DZIP1: variants seen among roughly 807,000 people sequenced by gnomAD.
The protein encoded by DZIP1 is cilium assembly protein DZIP1.
In DZIP1, 97 loss-of-function variants were observed where a neutral mutation model predicts 107.6. That is an observed-to-expected ratio of 0.90 (90% CI 0.77 to 1.07). The LOEUF (loss-of-function observed/expected upper bound fraction) is 1.07, where lower values mean the gene tolerates loss of function less well. DZIP1 is among the 50% of genes least tolerant of loss of function. The pLI is 0.00. For synonymous variants in DZIP1, 390 were observed against 386.4 expected, an observed-to-expected ratio of 1.01 and a Z score of -0.11; for missense variants, 1,035 against 1,063.6, an observed-to-expected ratio of 0.97 and a Z score of 0.37.
chr13:95,638,522 C>A (rs759605554), intron 5 of DZIP1, among the ~76,000 whole-genome samples: 17 of 152,216 alleles, frequency 1.1e-4, no homozygotes, highest in African/African-American at 3.9e-4. Context: ...TAAAATCCCC[C>A]ATATATGGGT....
rs749642950 is a variant in DZIP1 at position 95,582,235 on chromosome 13, T to C, written c.2603A>G (p.Ter868=). ...VTDWSDTSDV[*] ...GGAATAATCTTCTGACATGTGGAAT[T>C]AGACATCTGAAGTGTCGCTCCAATC... The change falls in exon 23 of 23, where the codon TAA becomes TGA. Residue 868 remains the stop codon, a stop_retained_variant. Coordinates refer to ENST00000376829, the MANE Select transcript of DZIP1 (RefSeq NM_198968.4). The C allele has an allele frequency of 2.5e-6, 4 of 1,613,834 alleles. No individual in the cohort carries two copies. The highest frequency in any genetic ancestry group is 3.4e-6 in the Non-Finnish European group (4 of 1,179,724).
intron 8 of DZIP1, among the ~76,000 whole-genome samples, chr13:95,622,743 AT>A (rs5805944): frequency 0.012 from 1,650 of 140,802 alleles, 11 homozygotes; most frequent in Middle Eastern, 0.026. Flanking sequence ...AACGAGTCTA[AT>A]TTTTTTTTTT....
chr13:95,591,784 T>C (rs2138845029), intron 16 of DZIP1, among the ~76,000 whole-genome samples: 1 of 151,944 alleles, frequency 6.6e-6, no homozygotes, highest in South Asian at 2.1e-4. Context: ...CTACTTAATA[T>C]ACAAAATTTA....
intron 8 of DZIP1, among the ~76,000 whole-genome samples, chr13:95,624,107 A>T (rs1432549100): frequency 1.3e-5 from 2 of 152,202 alleles, no homozygotes; most frequent in Non-Finnish European, 2.9e-5. Context: ...ATTTTCGTTT[A>T]TAAAACTTGT....
In DZIP1 at chr13:95,611,918, A is replaced by G. The variant is rs1045917572; in HGVS notation, c.1314+119T>C. On this transcript the variant is annotated intron_variant, in intron 11 of 22. Transcript: ENST00000376829. ...AACTTTTACAAGCAATCACAAGGGG[A>G]AAAATATTCCATCTTCCTCACCTTA... 1.5e-5 allele frequency: 19 copies of G among 1,308,350 alleles called. No homozygotes were observed. In the African/African-American group the frequency reaches 2.5e-4, roughly 17 times the overall value. 81.0% of individuals were successfully genotyped at this position (1,308,350 alleles called of 1,614,324 possible).
At position 95,641,299 on chromosome 13, in the gene DZIP1, T is replaced by G; in HGVS notation, c.593A>C (p.Tyr198Ser). 2 of 1,580,268 alleles carry G rather than the reference T, an allele frequency of 1.3e-6. No homozygotes were observed. Among genetic ancestry groups the G allele is most frequent in the African/African-American group, 1.3e-5 (1 of 74,398 alleles). Reference protein sequence around the residue: ...QLMIEAKANYYQCHFCDKAFM... With the variant: ...QLMIEAKANYSQCHFCDKAFM... The stretch of plus-strand genomic sequence containing the variant: ...TGCTCACACACAGCTGCCCACCTGG[T>G]AATAGTTGGCTTTGGCCTCGATCAT... The change falls in exon 5 of 23, where the codon TAC (tyrosine) becomes TCC (serine). Residue 198 changes from tyrosine (Y) to serine (S), a missense_variant. Coordinates refer to ENST00000376829, the MANE Select transcript of DZIP1 (RefSeq NM_198968.4). This position sits in a 1 kb window ranked among gnomAD's most constrained non-coding sequence, Gnocchi z 4.3.
At chr13:95,612,654 G>A (rs1470288742) in intron 10 of DZIP1, among the ~76,000 whole-genome samples, 1 of 151,880 alleles carries the variant, frequency 6.6e-6, no homozygotes, top group African/African-American at 2.4e-5. Flanking sequence ...GAGCAATCTC[G>A]GCTCACTGCA....
intron 5 of DZIP1, among the ~76,000 whole-genome samples, chr13:95,636,229 A>G (rs1413627198): frequency 1.3e-5 from 2 of 151,510 alleles, no homozygotes; most frequent in African/African-American, 2.4e-5. Context: ...ACATCATTGC[A>G]GAACAAATAA....
In DZIP1 at chr13:95,581,822, C is replaced by T. The variant is rs186135444; in HGVS notation, c.*412G>A. The T allele has an allele frequency of 2.7e-3, 417 of 153,184 alleles. 3 individuals are homozygous for T. The highest frequency in any genetic ancestry group is 6.8e-3 in the Middle Eastern group (2 of 296). 9.5% of individuals were successfully genotyped at this position (153,184 alleles called of 1,614,324 possible). A position where few individuals can be genotyped will look rare whatever the true frequency, so the allele number is the denominator to read the frequency against. The stretch of plus-strand genomic sequence containing the variant: ...TACTAACAGAATTTTATAATATAAA[C>T]GCCTACGATACGACAGCATACATAA... On this transcript the variant is annotated 3_prime_UTR_variant, in exon 23 of 23. Coordinates refer to ENST00000376829, the MANE Select transcript of DZIP1 (RefSeq NM_198968.4).
chr13:95,629,364 T>C (rs1465999607), intron 7 of DZIP1, among the ~76,000 whole-genome samples: 1 of 152,160 alleles, frequency 6.6e-6, no homozygotes, highest in Admixed American at 6.5e-5. Context: ...CGAGTATCTC[T>C]GAACAAGTCA....
chr13:95,590,868 C>T (rs2044292614), intron 16 of DZIP1, among the ~76,000 whole-genome samples: 1 of 152,100 alleles, frequency 6.6e-6, no homozygotes, highest in Non-Finnish European at 1.5e-5. Flanking sequence ...AGAAAGGAAG[C>T]TGTCGAGGCA....
At chr13:95,599,097 C>T (rs2044540135) in intron 15 of DZIP1, among the ~76,000 whole-genome samples, 1 of 152,080 alleles carries the variant, frequency 6.6e-6, no homozygotes, top group South Asian at 2.1e-4. Flanking sequence ...AAAATAAAGA[C>T]AAATTTTTTT....
chr13:95,644,324 GCCCCGTCAGCCA>G (rs1878871819), intron 1 of DZIP1, 41 bp downstream of exon 1: 1 of 152,442 alleles, frequency 6.6e-6, no homozygotes, highest in Admixed American at 6.5e-5. Flanking sequence ...GTATCGGGAT[GCCCCGTCAGCCA>G]CCTCCTGTGG....
At chr13:95,610,666 T>C (rs1414674363) in intron 12 of DZIP1, among the ~76,000 whole-genome samples, 1 of 152,192 alleles carries the variant, frequency 6.6e-6, no homozygotes, top group Non-Finnish European at 1.5e-5. Flanking sequence ...ATAGGTATAT[T>C]ATCCCATTTA....
At chr13:95,620,785 C>A (rs1875728824) in intron 9 of DZIP1, among the ~76,000 whole-genome samples, 1 of 152,182 alleles carries the variant, frequency 6.6e-6, no homozygotes, top group Non-Finnish European at 1.5e-5. Context: ...TCTGAACTGA[C>A]AACACAACTC....
Position 95,642,059 on chromosome 13 carries a change from T to C in DZIP1, c.-30A>G. 2.6e-6 allele frequency: 4 copies of C among 1,521,402 alleles called. No homozygotes were observed. In the South Asian group the frequency reaches 3.8e-5, roughly 14 times the overall value. 94.2% of individuals were successfully genotyped at this position (1,521,402 alleles called of 1,614,324 possible). Reference sequence around the variant, plus strand: ...GGAGCCGGGCGGTCTTTACCCAGCCTGGGCCGCCTCCCGGGCCGCCGCCGC... The same window carrying C: ...GGAGCCGGGCGGTCTTTACCCAGCCCGGGCCGCCTCCCGGGCCGCCGCCGC... On this transcript the variant is annotated 5_prime_UTR_variant, in exon 4 of 23. Coordinates refer to ENST00000376829, the MANE Select transcript of DZIP1 (RefSeq NM_198968.4).
chr13:95,624,996 A>G, intron 7 of DZIP1, 67 bp from the exon 8 acceptor site: 1 of 1,380,946 alleles, frequency 7.2e-7, no homozygotes, highest in South Asian at 1.4e-5. Context: ...ATTTAAAATA[A>G]AAGTTCATAG....
At chr13:95,610,363 T>G (rs559823271) in intron 12 of DZIP1, among the ~76,000 whole-genome samples, 5 of 151,812 alleles carry the variant, frequency 3.3e-5, no homozygotes, top group Non-Finnish European at 4.4e-5. Flanking sequence ...CAGGCTTGAG[T>G]GCAGTGGTGC....
chr13:95,642,960 C>G (rs1566444098), intron 3 of DZIP1, 83 bp downstream of exon 3: 2 of 152,174 alleles, frequency 1.3e-5, no homozygotes, highest in South Asian at 4.1e-4. Flanking sequence ...GATACATACT[C>G]AAAATGCTGA....
Sources: allele counts gnomAD v4.1 joint callset (sites outside exome capture counted in the v4.1 genomes callset), GRCh38; gene constraint gnomAD v4.1.1; non-coding constraint Gnocchi (gnomAD v3.1); transcripts MANE v1.5; gene names NCBI Gene and HGNC (gene_info 2026-07-23, HGNC 2026-07-21).